Variants in PHACTR1 observed in about 807,000 individuals in gnomAD.
PHACTR1 encodes RPEL repeat containing 1.
Under a neutral mutation model 69.2 loss-of-function variants are expected in PHACTR1, and 16 were observed. The observed-to-expected ratio is 0.23, with a 90% CI of 0.16 to 0.35. The LOEUF (loss-of-function observed/expected upper bound fraction) is 0.35. Among genes scored for constraint, PHACTR1 ranks in the 10% least tolerant of loss-of-function variants. PHACTR1 has a pLI of 1.00. For missense variants in PHACTR1, 510 were observed against 734.7 expected (o/e 0.69, Z 3.54); for synonymous variants, 312 against 284.5 (o/e 1.10, Z -0.97).
chr6:12,753,482 G>A (rs773841756), intron 4 of PHACTR1, among the ~76,000 whole-genome samples: 2 of 152,152 alleles, frequency 1.3e-5, no homozygotes, highest in African/African-American at 2.4e-5. Context: ...GGAAAGCAAG[G>A]CATCCTGATG....
intron 7 of PHACTR1, among the ~76,000 whole-genome samples, chr6:13,191,017 A>T (rs567365045): frequency 1.1e-3 from 163 of 151,334 alleles, no homozygotes; most frequent in African/African-American, 3.8e-3. Flanking sequence ...ACTGTTCTAC[A>T]GTCACATGCT....
intron 4 of PHACTR1, among the ~76,000 whole-genome samples, chr6:12,822,248 C>T (rs1323000937): frequency 6.6e-6 from 1 of 152,160 alleles, no homozygotes; most frequent in Non-Finnish European, 1.5e-5. Flanking sequence ...GAAATAGAAA[C>T]TGGCCTGGAG....
chr6:13,109,768 T>A (rs892759266), intron 5 of PHACTR1, among the ~76,000 whole-genome samples: 1 of 152,042 alleles, frequency 6.6e-6, no homozygotes, highest in Non-Finnish European at 1.5e-5. Context: ...GAATGAAAAT[T>A]GTATGTATGT....
intron 5 of PHACTR1, among the ~76,000 whole-genome samples, chr6:13,074,636 C>CAT: frequency 6.6e-6 from 1 of 152,250 alleles, no homozygotes; most frequent in Non-Finnish European, 1.5e-5. Flanking sequence ...ATTTAACCTA[C>CAT]ATATATATAC....
At chr6:13,163,314 C>G (rs540284480) in intron 6 of PHACTR1, among the ~76,000 whole-genome samples, 57 of 152,304 alleles carry the variant, frequency 3.7e-4, no homozygotes, top group African/African-American at 1.2e-3. Context: ...AAGGACCAGT[C>G]TAGTCCCCAC....
At chr6:12,869,761 C>T (rs1430203394) in intron 4 of PHACTR1, among the ~76,000 whole-genome samples, 2 of 152,230 alleles carry the variant, frequency 1.3e-5, no homozygotes, top group Admixed American at 1.3e-4. Context: ...CTGTCTGTGG[C>T]TCTTTTTAGC....
intron 7 of PHACTR1, among the ~76,000 whole-genome samples, chr6:13,205,255 T>A (rs1237151294): frequency 6.6e-6 from 1 of 152,106 alleles, no homozygotes; most frequent in Non-Finnish European, 1.5e-5. Context: ...TGGGAACTAG[T>A]CCGTTCCTGG....
chr6:13,092,561 G>A (rs368898945), intron 5 of PHACTR1, among the ~76,000 whole-genome samples: 13 of 152,116 alleles, frequency 8.5e-5, no homozygotes, highest in South Asian at 2.1e-4. Flanking sequence ...TACATTTTTC[G>A]TACACTTTAT....
intron 4 of PHACTR1, among the ~76,000 whole-genome samples, chr6:12,918,480 A>T (rs1279894350): frequency 6.6e-6 from 1 of 152,248 alleles, no homozygotes; most frequent in Non-Finnish European, 1.5e-5. Flanking sequence ...GCGCATTTAT[A>T]ATCGTGTTTG....
At chr6:13,144,517 G>T (rs1822992061) in intron 5 of PHACTR1, among the ~76,000 whole-genome samples, 1 of 152,170 alleles carries the variant, frequency 6.6e-6, no homozygotes. Context: ...AAAGATGCCA[G>T]TCCTCCCTAA....
chr6:12,823,669 A>G (rs1467548360), intron 4 of PHACTR1, among the ~76,000 whole-genome samples: 1 of 152,202 alleles, frequency 6.6e-6, no homozygotes, highest in Non-Finnish European at 1.5e-5. Flanking sequence ...ACTGATTTTT[A>G]TAAAATCCCT....
At chr6:12,815,294 A>T (rs1038554101) in intron 4 of PHACTR1, among the ~76,000 whole-genome samples, 3 of 152,158 alleles carry the variant, frequency 2.0e-5, no homozygotes, top group African/African-American at 7.2e-5. Flanking sequence ...GTATTTCTAG[A>T]CGCTGAAACT....
chr6:12,945,102 G>A (rs1790531547), intron 4 of PHACTR1, among the ~76,000 whole-genome samples: 1 of 152,094 alleles, frequency 6.6e-6, no homozygotes, highest in South Asian at 2.1e-4. Flanking sequence ...GACATGCCAT[G>A]CTCTCTCTGG....
chr6:12,867,736 C>T (rs747854358), intron 4 of PHACTR1, among the ~76,000 whole-genome samples: 6 of 152,190 alleles, frequency 3.9e-5, no homozygotes, highest in Non-Finnish European at 7.3e-5. Context: ...CAGGTGACTA[C>T]ATTGCAAGAT....
At chr6:13,143,392 C>G (rs1822806560) in intron 5 of PHACTR1, among the ~76,000 whole-genome samples, 1 of 152,066 alleles carries the variant, frequency 6.6e-6, no homozygotes, top group Non-Finnish European at 1.5e-5. Flanking sequence ...TCCCACATAT[C>G]CCATAAATAT....
At chr6:12,801,964 A>G (rs1202082163) in intron 4 of PHACTR1, among the ~76,000 whole-genome samples, 1 of 151,880 alleles carries the variant, frequency 6.6e-6, no homozygotes, top group African/African-American at 2.4e-5. Context: ...ACCATTACTT[A>G]TATTGGTGGC....
intron 12 of PHACTR1, chr6:13,281,501 C>T (rs1442011980): frequency 6.2e-6 from 2 of 322,012 alleles, no homozygotes; most frequent in Non-Finnish European, 6.5e-6. Context: ...TTGCAGTGAG[C>T]CGAGATCATT....
chr6:12,969,737 G>A (rs779915762), intron 4 of PHACTR1, among the ~76,000 whole-genome samples: 10 of 152,198 alleles, frequency 6.6e-5, no homozygotes, highest in Non-Finnish European at 1.0e-4. Context: ...CAATACAGGC[G>A]GATCACTTGA....
Position 13,019,075 on chromosome 6 carries a change from T to TA in PHACTR1, c.251-34290_251-34289insA, listed in dbSNP as rs1430644270. On this transcript the variant is annotated intron_variant, in intron 4 of 14. Transcript: ENST00000332995. Reference sequence around the variant, plus strand: ...TGAAATATATATATATATATATATATTTTTTCTTTTTCTTTTTGTAGAGAC... The same window carrying TA: ...TGAAATATATATATATATATATATATATTTTTCTTTTTCTTTTTGTAGAGAC... Among the ~76,000 whole-genome samples the TA allele has an allele frequency of 9.3e-3, 1,265 of 135,854 alleles. 17 individuals carry two copies. The highest frequency in any genetic ancestry group is 0.033 in the African/African-American group (1,176 of 35,696). 89.1% of individuals were successfully genotyped at this position (135,854 alleles called of 152,430 possible).
Sources: allele counts gnomAD v4.1 joint callset (sites outside exome capture counted in the v4.1 genomes callset), GRCh38; gene constraint gnomAD v4.1.1; transcripts MANE v1.5; gene names NCBI Gene and HGNC (gene_info 2026-07-23, HGNC 2026-07-21).